Variants in JMJD6 observed in about 807,000 individuals in gnomAD.
JMJD6 encodes the protein bifunctional arginine demethylase and lysyl-hydroxylase JMJD6.
In JMJD6, 17 loss-of-function variants were observed where a neutral mutation model predicts 45.8. That is an observed-to-expected ratio of 0.37 (90% confidence interval 0.25 to 0.56). The LOEUF is 0.56. Among genes scored for constraint, JMJD6 ranks in the 20% least tolerant of loss-of-function variants. The pLI is 0.79. For missense variants in JMJD6, 470 were observed against 517.5 expected (o/e 0.91, Z 0.89); for synonymous variants, 221 against 196.3 (o/e 1.13, Z -1.05).
chr17:76,725,883 G>T, intron 1 of JMJD6, 28 bp from the exon 2 acceptor site: 2 of 1,497,742 alleles, frequency 1.3e-6, no homozygotes, highest in East Asian at 2.3e-5. Context: ...GACCTGTCCA[G>T]TTAAAAAAAA....
At chr17:76,725,318 A>C (rs1349258958) in intron 2 of JMJD6, 149 bp downstream of exon 2, 2 of 693,340 alleles carry the variant, frequency 2.9e-6, no homozygotes. Context: ...AGGCAGGAGA[A>C]GCGCTTGAAC....
intron 4 of JMJD6, chr17:76,720,779 A>G (rs2076813895): frequency 3.1e-6 from 1 of 320,708 alleles, no homozygotes; most frequent in Non-Finnish European, 5.9e-6. Flanking sequence ...CACGAGGCAC[A>G]ATTTTCCTTA....
chr17:76,719,819 G>C (rs985809524), intron 5 of JMJD6, among the ~76,000 whole-genome samples: 7 of 152,126 alleles, frequency 4.6e-5, no homozygotes, highest in African/African-American at 1.4e-4. Context: ...CTGATACCTC[G>C]AGGCTATTTT....
chr17:76,717,357 G>A (rs543738321), downstream of JMJD6, among the ~76,000 whole-genome samples: 33 of 152,248 alleles, frequency 2.2e-4, no homozygotes, highest in African/African-American at 7.7e-4. Flanking sequence ...TTCAACTTCA[G>A]TATTTTACTA....
At chr17:76,725,357 G>C in intron 2 of JMJD6, 110 bp downstream of exon 2, 1 of 1,054,740 alleles carries the variant, frequency 9.5e-7, no homozygotes, top group Admixed American at 3.5e-5. Context: ...TGTGAGCCGA[G>C]ATCGCACCAC....
downstream of JMJD6, chr17:76,715,942 C>G (rs2076760719): frequency 6.6e-6 from 1 of 152,208 alleles, no homozygotes; most frequent in Admixed American, 6.5e-5. Flanking sequence ...GAGTACCTCG[C>G]AAAGTGAGCA....
Position 76,718,668 on chromosome 17 carries a change from C to T in JMJD6, c.*61G>A, listed in dbSNP as rs2076786813. On this transcript the variant is annotated 3_prime_UTR_variant, in exon 6 of 6. Transcript: ENST00000397625. ...TGTCTGCAGGACTGGACAGGCCACC[C>T]TCCCCAGGCCCTGCCCTTGCCGCGA... 3 of 1,580,204 alleles carry T rather than the reference C, an allele frequency of 1.9e-6. No individual in the cohort carries two copies. The highest frequency in any genetic ancestry group is 2.6e-6 in the Non-Finnish European group (3 of 1,163,394).
At chr17:76,720,658 TG>T in intron 4 of JMJD6, 160 bp from the exon 5 acceptor site, 1 of 646,828 alleles carries the variant, frequency 1.5e-6, no homozygotes, top group Non-Finnish European at 2.7e-6. Context: ...AACCCCAGGC[TG>T]GGAACAAGAG....
In JMJD6 at chr17:76,725,811, T is replaced by C. The variant is rs2076911922; in HGVS notation, c.174A>G (p.Glu58=). The change falls in exon 2 of 6, where the codon GAA becomes GAG. Residue 58 remains glutamate (E), a synonymous_variant. Transcript: ENST00000397625. ...RADALQLSVE[E]FVERYERPYK... is the part of the protein sequence containing the mutation. ...AAGGTCTTTCATACCGCTCCACAAA[T>C]TCTTCCACAGACAGCTGTAAAGCAT... The C allele has an allele frequency of 8.1e-5, 131 of 1,613,682 alleles. No individual in the cohort carries two copies. The highest frequency in any genetic ancestry group is 1.1e-4 in the Non-Finnish European group (131 of 1,179,964).
Position 76,726,357 on chromosome 17 carries a change from G to A in JMJD6, c.119C>T (p.Ala40Val). ...GCCCGACCCGCTCACCGCCACGGCC[G>A]CCGGGCTCAGCGAGAAGCTCTCGTA... ...NYYESFSLSP[A>V]AVADNVERAD... The change falls in exon 1 of 6, where the codon GCG becomes GTG. Residue 40 changes from alanine to valine, a missense_variant. Physicochemically the swap from Ala to Val is moderately conservative, Grantham distance 64 (BLOSUM62 0). Transcript: ENST00000397625. 2 of 1,586,052 alleles carry A rather than the reference G, an allele frequency of 1.3e-6. No individual in the cohort carries two copies. The highest frequency in any genetic ancestry group is 2.4e-5 in the East Asian group (1 of 41,444).
chr17:76,720,336 G>A (rs1239337797), intron 5 of JMJD6, 24 bp downstream of exon 5: 16 of 1,611,136 alleles, frequency 9.9e-6, no homozygotes, highest in Non-Finnish European at 1.4e-5. Flanking sequence ...GGCTCCAGGA[G>A]TCAGCCAGAG....
chr17:76,720,001 T>C (rs1414090739), intron 5 of JMJD6, among the ~76,000 whole-genome samples: 1 of 151,882 alleles, frequency 6.6e-6, no homozygotes, highest in Admixed American at 6.6e-5. Context: ...AAAAATTAGC[T>C]GGGTGTGGTG....
intron 3 of JMJD6, among the ~76,000 whole-genome samples, chr17:76,722,770 T>G (rs1469776092): frequency 8.2e-6 from 1 of 121,704 alleles, no homozygotes; most frequent in Non-Finnish European, 1.6e-5. Context: ...CGCTTGAACC[T>G]GGGAGGAGGA....
Position 76,725,724 on chromosome 17 carries a change from C to T in JMJD6, c.261G>A (p.Leu87=), listed in dbSNP as rs371247103. 2 of 1,614,104 alleles carry T rather than the reference C, an allele frequency of 1.2e-6. No homozygotes were observed. Among genetic ancestry groups the T allele is most frequent in the East Asian group, 2.2e-5 (1 of 44,874 alleles). ...TCCGATATTTCCTTTTTAGGCGCTC[C>T]AGAGTCCATTTCTCCTGCGCAGACC... ...EGWSAQEKWT[L]ERLKRKYRNQ... Residue 87 remains leucine, a synonymous_variant, in exon 2 of 6, where the codon CTG becomes CTA. Coordinates refer to ENST00000397625, the MANE Select transcript of JMJD6 (RefSeq NM_015167.3).
At position 76,721,905 on chromosome 17, in the gene JMJD6, G is replaced by C. The variant is rs376293253; in HGVS notation, c.834C>G (p.Leu278=). 43 of 1,614,132 alleles carry C rather than the reference G, an allele frequency of 2.7e-5. No homozygotes were observed. In the African/African-American group the frequency reaches 5.6e-4, roughly 21 times the overall value. Residue 278 remains leucine (L), a synonymous_variant, in exon 4 of 6, where the codon CTC becomes CTG. Transcript: ENST00000397625. ...PGGWWHVVLN[L]DTTIAITQNF... ...TTTGGGTGATGGCGATAGTAGTGTC[G>C]AGATTGAGGACAACATGCCACCAGC...
chr17:76,719,499 G>A (rs995123195), intron 5 of JMJD6, among the ~76,000 whole-genome samples: 3 of 152,126 alleles, frequency 2.0e-5, no homozygotes, highest in African/African-American at 7.2e-5. Context: ...ATGTTGGCCA[G>A]GCTGGTCTTG....
chr17:76,714,591 G>C (rs1176599690), downstream of JMJD6: 1 of 152,558 alleles, frequency 6.6e-6, no homozygotes, highest in East Asian at 1.9e-4. Flanking sequence ...CACAGAGACA[G>C]TAACGGGGGT....
At chr17:76,715,470 T>G (rs1698968885), downstream of JMJD6, 1 of 152,242 alleles carries the variant, frequency 6.6e-6, no homozygotes, top group African/African-American at 2.4e-5. Flanking sequence ...TGACCCAATG[T>G]CAGGAAATGA....
intron 3 of JMJD6, among the ~76,000 whole-genome samples, chr17:76,723,204 C>T (rs1051047137): frequency 1.3e-5 from 2 of 152,026 alleles, no homozygotes; most frequent in African/African-American, 4.8e-5. Flanking sequence ...CTTCGGCCTC[C>T]CAAAGTGCTG....
Sources: gnomAD v4.1 joint callset for allele counts (sites outside exome capture counted in the v4.1 genomes callset) on GRCh38, gnomAD v4.1.1 for gene constraint, MANE v1.5 for transcripts, NCBI Gene and HGNC (gene_info 2026-07-23, HGNC 2026-07-21) for gene names.